CSTPP1: variants seen among roughly 807,000 people sequenced by gnomAD.
CSTPP1 encodes the protein UPF0705 protein C11orf49.
At chr11:46,979,336 T>A in the CSTPP1 span, among the ~76,000 whole-genome samples, 1 of 152,210 alleles carries the variant, frequency 6.6e-6, no homozygotes, top group Non-Finnish European at 1.5e-5. Context: ...GGCATATGAT[T>A]TACTACATGT....
chr11:47,113,758 G>A, the CSTPP1 span, among the ~76,000 whole-genome samples: 1 of 152,134 alleles, frequency 6.6e-6, no homozygotes. Flanking sequence ...CCCTTTGTCA[G>A]ATGGGTAGAT....
chr11:47,080,737 A>G, the CSTPP1 span, among the ~76,000 whole-genome samples: 49 of 151,810 alleles, frequency 3.2e-4, no homozygotes, highest in African/African-American at 1.2e-3. Context: ...GGCCAGGTGC[A>G]GTGGCTCACA....
At chr11:47,046,147 T>TAAAAAAGGAA in the CSTPP1 span, among the ~76,000 whole-genome samples, 1 of 151,366 alleles carries the variant, frequency 6.6e-6, no homozygotes, top group Admixed American at 6.6e-5. Flanking sequence ...GTGAATTTTT[T>TAAAAAAGGAA]AAAAAAGGAA....
chr11:47,079,279 C>T, the CSTPP1 span, among the ~76,000 whole-genome samples: 8 of 152,170 alleles, frequency 5.3e-5, no homozygotes, highest in African/African-American at 1.9e-4. Context: ...TGTTGGAGAA[C>T]ACCTGGATTC....
the CSTPP1 span, among the ~76,000 whole-genome samples, chr11:46,937,978 G>A: frequency 5.3e-5 from 8 of 151,992 alleles, no homozygotes; most frequent in African/African-American, 1.9e-4. Context: ...GGATTCAAGC[G>A]ATTCTCCTGC....
chr11:46,974,542 A>AG, the CSTPP1 span, among the ~76,000 whole-genome samples: 1 of 145,766 alleles, frequency 6.9e-6, no homozygotes, highest in Non-Finnish European at 1.5e-5. Flanking sequence ...AAAAAAAAAA[A>AG]GAAAGAAAAA....
At chr11:46,963,844 A>G in the CSTPP1 span, among the ~76,000 whole-genome samples, 1 of 151,912 alleles carries the variant, frequency 6.6e-6, no homozygotes, top group African/African-American at 2.4e-5. Flanking sequence ...GGTCATAGCT[A>G]GACCAACTAG....
chr11:47,007,359 G>T, the CSTPP1 span, among the ~76,000 whole-genome samples: 6 of 151,810 alleles, frequency 4.0e-5, no homozygotes, highest in African/African-American at 1.2e-4. Context: ...GCTTTATTCT[G>T]GATATTTTCT....
chr11:47,001,203 G>A, the CSTPP1 span, among the ~76,000 whole-genome samples: 1 of 152,172 alleles, frequency 6.6e-6, no homozygotes, highest in African/African-American at 2.4e-5. Flanking sequence ...ACTGAGAATG[G>A]AGTACCCTTA....
the CSTPP1 span, among the ~76,000 whole-genome samples, chr11:47,049,607 C>T: frequency 8.9e-3 from 1,359 of 152,088 alleles, 19 homozygotes; most frequent in African/African-American, 0.03. Context: ...GGCCACTGCA[C>T]TCCAGACTGG....
the CSTPP1 span, among the ~76,000 whole-genome samples, chr11:46,989,837 C>T: frequency 4.6e-5 from 7 of 151,312 alleles, no homozygotes; most frequent in South Asian, 6.3e-4. Context: ...CTGTTGCTCC[C>T]ATGTTCATGT....
the CSTPP1 span, among the ~76,000 whole-genome samples, chr11:47,121,463 A>G: frequency 6.6e-6 from 1 of 152,188 alleles, no homozygotes; most frequent in African/African-American, 2.4e-5. Context: ...TAAGGTACAG[A>G]TACCTGAAAA....
the CSTPP1 span, among the ~76,000 whole-genome samples, chr11:47,029,465 C>T: frequency 3.3e-5 from 5 of 151,880 alleles, no homozygotes; most frequent in Non-Finnish European, 5.9e-5. Context: ...AAAAATTAGC[C>T]GGGCATGGTG....
the CSTPP1 span, among the ~76,000 whole-genome samples, chr11:47,039,523 C>G: frequency 7.9e-6 from 1 of 126,184 alleles, no homozygotes; most frequent in Admixed American, 8.5e-5. Flanking sequence ...TTTCTTATAG[C>G]CACACGAACA....
the CSTPP1 span, chr11:47,161,875 G>GCTGA: frequency 3.0e-6 from 4 of 1,317,006 alleles, no homozygotes; most frequent in Non-Finnish European, 3.9e-6. Flanking sequence ...TAGGCCCCAA[G>GCTGA]CTGACAGACT....
the CSTPP1 span, among the ~76,000 whole-genome samples, chr11:47,062,237 C>T: frequency 6.6e-6 from 1 of 152,088 alleles, no homozygotes; most frequent in African/African-American, 2.4e-5. Flanking sequence ...TTTATGAGTA[C>T]AGGAACCTTG....
the CSTPP1 span, among the ~76,000 whole-genome samples, chr11:47,086,438 A>G: frequency 5.3e-5 from 8 of 151,878 alleles, no homozygotes; most frequent in African/African-American, 1.9e-4. Flanking sequence ...AAATTAAGAA[A>G]AGGAAGTTGG....
chr11:47,154,081 AG>A, the CSTPP1 span, among the ~76,000 whole-genome samples: 1 of 151,936 alleles, frequency 6.6e-6, no homozygotes, highest in African/African-American at 2.4e-5. Flanking sequence ...CTGGGACTAC[AG>A]GTGCCCACCA....
At chr11:47,072,917 A>G in the CSTPP1 span, among the ~76,000 whole-genome samples, 2 of 152,186 alleles carry the variant, frequency 1.3e-5, no homozygotes, top group Non-Finnish European at 2.9e-5. Context: ...GAACATTTAT[A>G]TTTATTGTGA....
Sources: allele counts gnomAD v4.1 joint callset (sites outside exome capture counted in the v4.1 genomes callset), GRCh38; gene constraint gnomAD v4.1.1; transcripts MANE v1.5; gene names NCBI Gene and HGNC (gene_info 2026-07-23, HGNC 2026-07-21).